ANTXRL: variants seen among roughly 807,000 people sequenced by gnomAD.
The protein encoded by ANTXRL is anthrax toxin receptor-like.
In ANTXRL, 63 loss-of-function variants were observed where a neutral mutation model predicts 75.4. The observed-to-expected ratio is 0.84, with a 90% CI of 0.68 to 1.03. ANTXRL has a LOEUF of 1.03. ANTXRL is among the 50% of genes least tolerant of loss of function. The probability of loss-of-function intolerance (pLI) is 0.00; values close to 1 mark genes in which losing one functional copy is unlikely to be tolerated. For synonymous variants in ANTXRL, 335 were observed against 291.3 expected (o/e 1.15, Z -1.53); for missense variants, 797 against 789.4 (o/e 1.01, Z -0.12).
At chr10:46,304,952 C>T (rs1172365468) in intron 10 of ANTXRL, among the ~76,000 whole-genome samples, 20 of 152,318 alleles carry the variant, frequency 1.3e-4, no homozygotes, top group Non-Finnish European at 4.4e-5. Context: ...CCAGCACCGA[C>T]GTCTCACAGT....
At chr10:46,329,184 C>G (rs1483783832) in intron 16 of ANTXRL, among the ~76,000 whole-genome samples, 3 of 152,184 alleles carry the variant, frequency 2.0e-5, no homozygotes, top group African/African-American at 7.2e-5. Flanking sequence ...GCCTTCTCAG[C>G]TCATCACCCA....
chr10:46,287,064 G>C lies in ANTXRL; in HGVS notation c.-199G>C, dbSNP rs1836793589. 1.5e-6 allele frequency: 1 copy of C among 671,750 alleles called. No homozygotes were observed. The highest frequency in any genetic ancestry group is 2.8e-5 in the East Asian group (1 of 35,704). 41.6% of individuals were successfully genotyped at this position (671,750 alleles called of 1,614,324 possible). ...CAGGTAGCTGGAAGCAAGTCTCCCA[G>C]AGCCAGCTGCTGACCCTAGTCCCTG... On this transcript the variant is annotated 5_prime_UTR_variant, in exon 1 of 17. Transcript: ENST00000620264.
intron 16 of ANTXRL, 50 bp from the exon 17 acceptor site, chr10:46,329,549 C>A: frequency 6.6e-7 from 1 of 1,513,602 alleles, no homozygotes; most frequent in Non-Finnish European, 8.8e-7. Flanking sequence ...CCTTCTGAGC[C>A]CAGTTCGAAT....
chr10:46,311,250 C>A (rs533453379), intron 14 of ANTXRL, among the ~76,000 whole-genome samples: 2 of 152,204 alleles, frequency 1.3e-5, no homozygotes, highest in East Asian at 3.9e-4. Flanking sequence ...ATGCTGGGAC[C>A]ATTGCATAAC....
chr10:46,286,154 G>T (rs1377264177), upstream of ANTXRL, among the ~76,000 whole-genome samples: 1 of 152,112 alleles, frequency 6.6e-6, no homozygotes, highest in African/African-American at 2.4e-5. Context: ...TAGAGAGGGG[G>T]CCTGTGTTCC....
At chr10:46,297,147 G>A in intron 5 of ANTXRL, 105 bp from the exon 6 acceptor site, 1 of 940,754 alleles carries the variant, frequency 1.1e-6, no homozygotes. Context: ...GCCATGCCCT[G>A]GAGTGGGCAG....
chr10:46,287,557 C>G, intron 1 of ANTXRL, 47 bp downstream of exon 1: 1 of 1,503,840 alleles, frequency 6.6e-7, no homozygotes, highest in African/African-American at 1.4e-5. Context: ...TCAGGAGCCA[C>G]TGTCTCTTTT....
At chr10:46,290,952 A>G (rs1213053412) in intron 1 of ANTXRL, among the ~76,000 whole-genome samples, 4 of 152,126 alleles carry the variant, frequency 2.6e-5, no homozygotes, top group Non-Finnish European at 4.4e-5. Context: ...ATACAGTCTC[A>G]ACTTTTCTAT....
chr10:46,326,520 G>T (rs542555570), intron 16 of ANTXRL, among the ~76,000 whole-genome samples: 5 of 152,132 alleles, frequency 3.3e-5, no homozygotes, highest in South Asian at 2.1e-4. Context: ...GGCCTTGGCT[G>T]CCCCTAGGGA....
intron 5 of ANTXRL, 137 bp downstream of exon 5, chr10:46,296,389 T>C: frequency 1.1e-6 from 1 of 907,208 alleles, no homozygotes; most frequent in Non-Finnish European, 1.7e-6. Flanking sequence ...TGCTCTGAGC[T>C]CCAGGTCCCT....
At chr10:46,303,890 A>G (rs1381540801) in intron 10 of ANTXRL, among the ~76,000 whole-genome samples, 1 of 152,072 alleles carries the variant, frequency 6.6e-6, no homozygotes, top group Non-Finnish European at 1.5e-5. Flanking sequence ...TGGCCCCTTG[A>G]TACATTCATT....
At chr10:46,293,511 G>C (rs1323577198) in intron 2 of ANTXRL, among the ~76,000 whole-genome samples, 1 of 118,418 alleles carries the variant, frequency 8.4e-6, no homozygotes, top group East Asian at 2.0e-4. Flanking sequence ...GTGCACCTGT[G>C]TGTGTGTGTG....
intron 3 of ANTXRL, among the ~76,000 whole-genome samples, chr10:46,294,335 G>A (rs1406394288): frequency 6.6e-6 from 1 of 152,144 alleles, no homozygotes; most frequent in Non-Finnish European, 1.5e-5. Flanking sequence ...GGTGGGAGTA[G>A]TGGGGCTTTA....
At chr10:46,326,271 G>A (rs535783421) in intron 16 of ANTXRL, among the ~76,000 whole-genome samples, 6 of 152,148 alleles carry the variant, frequency 3.9e-5, no homozygotes, top group African/African-American at 1.2e-4. Context: ...ACTGGTGTTA[G>A]GGATGATGGA....
chr10:46,311,473 C>A, intron 14 of ANTXRL, 37 bp from the exon 15 acceptor site: 2 of 1,504,384 alleles, frequency 1.3e-6, no homozygotes, highest in Non-Finnish European at 1.8e-6. Flanking sequence ...TGTGCCCTGC[C>A]AGCACTGTGA....
At chr10:46,290,518 T>C (rs1480090188) in intron 1 of ANTXRL, among the ~76,000 whole-genome samples, 1 of 152,210 alleles carries the variant, frequency 6.6e-6, no homozygotes, top group African/African-American at 2.4e-5. Context: ...TATGTTTAGC[T>C]TTCTGAGGAA....
chr10:46,320,010 A>G (rs182277743), intron 16 of ANTXRL, among the ~76,000 whole-genome samples: 2 of 152,308 alleles, frequency 1.3e-5, no homozygotes, highest in East Asian at 3.9e-4. Flanking sequence ...GTGAATGTAT[A>G]TGTCATCACC....
chr10:46,312,340 C>A (rs1423577637), intron 15 of ANTXRL, among the ~76,000 whole-genome samples: 1 of 148,152 alleles, frequency 6.7e-6, no homozygotes, highest in Non-Finnish European at 1.5e-5. Flanking sequence ...CCTGAGGAAA[C>A]CTCCTTCACG....
intron 10 of ANTXRL, among the ~76,000 whole-genome samples, chr10:46,303,317 T>C (rs1837871350): frequency 6.6e-6 from 1 of 152,190 alleles, no homozygotes; most frequent in Non-Finnish European, 1.5e-5. Flanking sequence ...CAGGCACACA[T>C]TGCCTGTGTC....
Sources: gnomAD v4.1 joint callset for allele counts (sites outside exome capture counted in the v4.1 genomes callset) on GRCh38, gnomAD v4.1.1 for gene constraint, MANE v1.5 for transcripts, NCBI Gene and HGNC (gene_info 2026-07-23, HGNC 2026-07-21) for gene names.